Variants in LTA observed in about 807,000 individuals in gnomAD.
The protein encoded by LTA is lymphotoxin-alpha.
Under a neutral mutation model 15.1 loss-of-function variants are expected in LTA, and 6 were observed. The ratio of observed to expected loss-of-function variants is 0.40; its 90% CI spans 0.22 to 0.78. The LOEUF (loss-of-function observed/expected upper bound fraction) is 0.78, where lower values mean the gene tolerates loss of function less well. LTA is among the 30% of genes least tolerant of loss of function. The pLI, the probability that LTA is intolerant of heterozygous loss-of-function variation, is 0.38. For missense variants in LTA, 173 were observed against 249.5 expected, an observed-to-expected ratio of 0.69 and a Z score of 2.06; for synonymous variants, 87 against 107.3, an observed-to-expected ratio of 0.81 and a Z score of 1.17.
the LTA span, among the ~76,000 whole-genome samples, chr6:31,562,619 C>T: frequency 1.3e-5 from 2 of 152,164 alleles, no homozygotes. Context: ...AATCCCAGCA[C>T]TGTGGGAGGC....
At chr6:31,572,642 G>GCCGGATCATTAATAAAA in intron 1 of LTA, 92 bp from the exon 2 acceptor site, 1 of 828,696 alleles carries the variant, frequency 1.2e-6, no homozygotes, top group Non-Finnish European at 2.0e-6. Context: ...CTCGGGGGTC[G>GCCGGATCATTAATAAAA]GGGGGTGCTC....
chr6:31,569,003 GT>G (rs563815609), upstream of LTA, among the ~76,000 whole-genome samples: 62 of 151,758 alleles, frequency 4.1e-4, 1 homozygote, highest in Admixed American at 3.5e-3. Flanking sequence ...GTTTTGTTTT[GT>G]TTTGTTTTTT....
the LTA span, among the ~76,000 whole-genome samples, chr6:31,566,681 G>A: frequency 6.9e-6 from 1 of 144,650 alleles, no homozygotes; most frequent in Non-Finnish European, 1.5e-5. Context: ...GGTGTCTCAC[G>A]CCTGTAATCC....
upstream of LTA, among the ~76,000 whole-genome samples, chr6:31,568,997 T>C (rs1453573446): frequency 6.6e-6 from 1 of 152,140 alleles, no homozygotes; most frequent in Non-Finnish European, 1.5e-5. This position sits in a 1 kb window ranked among gnomAD's most constrained non-coding sequence, Gnocchi z 4.1. Context: ...TTGCTTGTTT[T>C]GTTTTGTTTT....
rs184749511 is a variant in LTA, at chr6:31,573,357, G to A, written c.282G>A (p.Leu94=). ...CCTTCCTCCAGGATGGTTTCTCCTT[G>A]AGCAACAATTCTCTCCTGGTCCCCA... ...DRAFLQDGFS[L]SNNSLLVPTS... Residue 94 remains leucine (L), a synonymous_variant, in exon 4 of 4, where the codon TTG becomes TTA. Coordinates refer to ENST00000418386, the MANE Select transcript of LTA (RefSeq NM_000595.4). 1.1e-4 allele frequency: 183 copies of A among 1,613,754 alleles called. No homozygotes were observed. The highest frequency in any genetic ancestry group is 1.3e-4 in the Non-Finnish European group (157 of 1,179,940).
Position 31,573,967 on chromosome 6 carries a change from A to C in LTA, c.*274A>C. ...CCCAAAGCTGTTGGTCTGTCCCACCAGCTAGGTGGGGCCTAGATCCACACA... is the reference window on the plus strand; with the variant it reads ...CCCAAAGCTGTTGGTCTGTCCCACCCGCTAGGTGGGGCCTAGATCCACACA... On this transcript the variant is annotated 3_prime_UTR_variant, in exon 4 of 4. Transcript: ENST00000418386. The C allele has an allele frequency of 1.6e-6, 1 of 645,008 alleles. No homozygotes were observed. Among genetic ancestry groups the C allele is most frequent in the South Asian group, 1.6e-5 (1 of 60,678 alleles). 40.0% of individuals were successfully genotyped at this position (645,008 alleles called of 1,614,324 possible).
In LTA at chr6:31,573,693, G is replaced by A. The variant is rs2150385792; in HGVS notation, c.618G>A (p.Ter206=). Reference sequence around the variant, plus strand: ...TCTTCTTTGGAGCCTTCGCTCTGTAGAACTTGGAAAAATCCAGAAAGAAAA... The same window carrying A: ...TCTTCTTTGGAGCCTTCGCTCTGTAAAACTTGGAAAAATCCAGAAAGAAAA... ...STVFFGAFAL[*] The change falls in exon 4 of 4, where the codon TAG becomes TAA. Residue 206 remains the stop codon, a stop_retained_variant. Transcript: ENST00000418386. The A allele has an allele frequency of 6.2e-7, 1 of 1,613,728 alleles. No individual in the cohort carries two copies. Among genetic ancestry groups the A allele is most frequent in the Middle Eastern group, 1.6e-4 (1 of 6,062 alleles).
In LTA at chr6:31,572,423, C is replaced by T. The variant is rs901194095; in HGVS notation, c.-33C>T. On this transcript the variant is annotated 5_prime_UTR_variant, in exon 1 of 4. Transcript: ENST00000418386. ...CTCCTGCACCTGCTGCCTGGATCCC[C>T]GGCCTGCCTGGGCCTGGGCCTTGGT... 1.2e-5 allele frequency: 6 copies of T among 498,460 alleles called. No individual in the cohort carries two copies. The highest frequency in any genetic ancestry group is 5.3e-5 in the South Asian group (2 of 37,876). The allele number at this position is 498,460 out of a possible 1,614,324, so 30.9% of individuals were successfully genotyped here. A position where few individuals can be genotyped will look rare whatever the true frequency, so the allele number is the denominator to read the frequency against.
At chr6:31,567,681 CGCAT>C (rs1167200620), upstream of LTA, among the ~76,000 whole-genome samples, 708 of 28,262 alleles carry the variant, frequency 0.025, 8 homozygotes, top group East Asian at 0.06. Flanking sequence ...CACACACGCA[CGCAT>C]GCACGCACCA....
chr6:31,572,624 ATC>A (rs1184500076), intron 1 of LTA, 108 bp from the exon 2 acceptor site: 4 of 681,166 alleles, frequency 5.9e-6, no homozygotes, highest in Non-Finnish European at 1.0e-5. Flanking sequence ...TTCTCTGTCG[ATC>A]TCTCTCTCGG....
At position 31,572,818 on chromosome 6, in the gene LTA, C is replaced by G. The variant is rs755603438; in HGVS notation, c.76C>G (p.Leu26Val). ...TLHLLLLGLLLVLLPGAQGLP... is the reference protein window; with the variant it reads ...TLHLLLLGLLVVLLPGAQGLP... ...ACACCTCCTCCTTCTGGGGCTGCTG[C>G]TGGTTCTGCTGCCTGGGGCCCAGGT... Residue 26 changes from leucine to valine, a missense_variant, in exon 2 of 4, where the codon CTG becomes GTG. Physicochemically the swap from Leu to Val is conservative, Grantham distance 32. Transcript: ENST00000418386. The G allele has an allele frequency of 6.2e-7, 1 of 1,611,698 alleles. No individual in the cohort carries two copies.
chr6:31,572,657 C>CAAA, intron 1 of LTA, 77 bp from the exon 2 acceptor site: 2 of 1,018,502 alleles, frequency 2.0e-6, no homozygotes, highest in Non-Finnish European at 3.0e-6. Context: ...GTGCTCTCTC[C>CAAA]CAGGGCGGGA....
chr6:31,566,701 G>A, the LTA span, among the ~76,000 whole-genome samples: 2 of 149,478 alleles, frequency 1.3e-5, no homozygotes, highest in Non-Finnish European at 3.0e-5. Context: ...CCAGCACTTT[G>A]GGAGGCCGAC....
chr6:31,573,372 C>T lies in LTA; in HGVS notation c.297C>T (p.Leu99=). The T allele has an allele frequency of 2.5e-6, 4 of 1,613,904 alleles. No individual in the cohort carries two copies. The highest frequency in any genetic ancestry group is 3.4e-6 in the Non-Finnish European group (4 of 1,179,940). The part of the protein sequence containing the change: ...QDGFSLSNNS[L]LVPTSGIYFV... ...GTTTCTCCTTGAGCAACAATTCTCTCCTGGTCCCCACCAGTGGCATCTACT... is the reference window on the plus strand; with the variant it reads ...GTTTCTCCTTGAGCAACAATTCTCTTCTGGTCCCCACCAGTGGCATCTACT... The change falls in exon 4 of 4, where the codon CTC becomes CTT. Residue 99 remains leucine (L), a synonymous_variant. Transcript: ENST00000418386.
At chr6:31,569,620 C>T (rs1030602180), upstream of LTA, among the ~76,000 whole-genome samples, 3 of 152,048 alleles carry the variant, frequency 2.0e-5, no homozygotes, top group Non-Finnish European at 4.4e-5. Flanking sequence ...TGGTGAGACC[C>T]CGTCTCTACT....
Position 31,574,070 on chromosome 6 carries a change from AT to A in LTA, c.*379del. 2 of 404,326 alleles carry A rather than the reference AT, an allele frequency of 4.9e-6. No homozygotes were observed. Among genetic ancestry groups the A allele is most frequent in the Non-Finnish European group, 9.3e-6 (2 of 214,828 alleles). The allele number at this position is 404,326 out of a possible 1,614,324, so 25.0% of individuals were successfully genotyped here. ...GGGGACTATTTATGAAGGCAAAAAA[AT>A]TAAATTATTTATTTATGGAGGATGG... On this transcript the variant is annotated 3_prime_UTR_variant, in exon 4 of 4. Coordinates refer to ENST00000418386, the MANE Select transcript of LTA (RefSeq NM_000595.4).
chr6:31,564,264 G>T, the LTA span, among the ~76,000 whole-genome samples: 3 of 152,124 alleles, frequency 2.0e-5, no homozygotes, highest in African/African-American at 7.2e-5. Flanking sequence ...TCTGATCTGT[G>T]TGGCTTCTTT....
chr6:31,569,211 G>A (rs961171564), upstream of LTA, among the ~76,000 whole-genome samples: 6 of 152,084 alleles, frequency 3.9e-5, no homozygotes, highest in Admixed American at 2.0e-4. Context: ...GAGTTTCACC[G>A]TATTAGCCAG....
upstream of LTA, among the ~76,000 whole-genome samples, chr6:31,571,375 A>G (rs1241432434): frequency 2.0e-5 from 3 of 152,136 alleles, no homozygotes; most frequent in African/African-American, 4.8e-5. Context: ...CAATTTTAAA[A>G]TAATGTATTG....
Sources: allele counts gnomAD v4.1 joint callset (sites outside exome capture counted in the v4.1 genomes callset), GRCh38; gene constraint gnomAD v4.1.1; non-coding constraint Gnocchi (gnomAD v3.1); transcripts MANE v1.5; gene names NCBI Gene and HGNC (gene_info 2026-07-23, HGNC 2026-07-21).